Variants in IGF2BP3 observed in about 807,000 individuals in gnomAD.
IGF2BP3 encodes insulin-like growth factor 2 mRNA-binding protein 3.
IGF2BP3 carries 9 observed loss-of-function variants against 73.8 expected under a neutral mutation model. That is an observed-to-expected ratio of 0.12 (90% CI 0.07 to 0.21). The LOEUF is 0.21. Ranked by LOEUF, IGF2BP3 falls within the 10% of genes least tolerant of loss-of-function variation. The probability of loss-of-function intolerance (pLI) is 1.00; values close to 1 mark genes in which losing one functional copy is unlikely to be tolerated. For missense variants in IGF2BP3, 542 were observed against 714.0 expected, an observed-to-expected ratio of 0.76 and a Z score of 2.75; for synonymous variants, 258 against 256.7, an observed-to-expected ratio of 1.01 and a Z score of -0.05.
intron 10 of IGF2BP3, 106 bp from the exon 11 acceptor site, chr7:23,319,360 G>C: frequency 2.9e-6 from 2 of 697,074 alleles, no homozygotes; most frequent in Non-Finnish European, 5.0e-6. Context: ...GGAATACCAG[G>C]AAAGTTTAAG....
chr7:23,437,295 C>T (rs962726047), intron 2 of IGF2BP3, among the ~76,000 whole-genome samples: 3 of 151,482 alleles, frequency 2.0e-5, no homozygotes, highest in African/African-American at 7.3e-5. Flanking sequence ...CAGTCTGGCC[C>T]ACATGGTGAA....
intron 2 of IGF2BP3, among the ~76,000 whole-genome samples, chr7:23,436,801 G>GT (rs1787817361): frequency 6.6e-6 from 1 of 152,182 alleles, no homozygotes; most frequent in Non-Finnish European, 1.5e-5. Flanking sequence ...TTTTGCTGCA[G>GT]TAACTATAGT....
At chr7:23,394,361 G>T (rs1786381523) in intron 3 of IGF2BP3, among the ~76,000 whole-genome samples, 1 of 152,094 alleles carries the variant, frequency 6.6e-6, no homozygotes, top group Non-Finnish European at 1.5e-5. Context: ...CAGCTACTCG[G>T]GAAGCTGAGG....
Position 23,395,020 on chromosome 7 carries a change from T to A in IGF2BP3, c.285+23756A>T, listed in dbSNP as rs145470056. On this transcript the variant is annotated intron_variant, in intron 3 of 14. Coordinates refer to ENST00000258729, the MANE Select transcript of IGF2BP3 (RefSeq NM_006547.3). ...GAAGAACATGGAGTAATGATGGGTG[T>A]AAGCTCAGAGGAGCTTAGCATTAAT... Among the ~76,000 whole-genome samples, 1,341 of 152,260 alleles carry A rather than the reference T, an allele frequency of 8.8e-3. 16 individuals are homozygous for A. The highest frequency in any genetic ancestry group is 0.03 in the African/African-American group (1,244 of 41,540).
At chr7:23,408,347 C>T (rs1395671824) in intron 3 of IGF2BP3, among the ~76,000 whole-genome samples, 2 of 151,990 alleles carry the variant, frequency 1.3e-5, no homozygotes, top group African/African-American at 4.8e-5. Context: ...AAATAAAAAA[C>T]AAACTTTCAG....
At chr7:23,376,178 T>C (rs566130362) in intron 3 of IGF2BP3, among the ~76,000 whole-genome samples, 224 of 152,240 alleles carry the variant, frequency 1.5e-3, no homozygotes, top group African/African-American at 5.0e-3. Context: ...CATACAGCAC[T>C]AACAAGGGAT....
chr7:23,437,879 T>A (rs910937445), intron 2 of IGF2BP3, among the ~76,000 whole-genome samples: 1 of 152,196 alleles, frequency 6.6e-6, no homozygotes, highest in Non-Finnish European at 1.5e-5. Context: ...ATTTTACAGA[T>A]TAAGGAAACA....
chr7:23,323,677 T>A (rs1784218253), intron 10 of IGF2BP3, among the ~76,000 whole-genome samples: 1 of 151,690 alleles, frequency 6.6e-6, no homozygotes, highest in Non-Finnish European at 1.5e-5. Context: ...GAAGTAAAGC[T>A]CTCCTCAGCA....
At chr7:23,465,445 C>T (rs1788543900) in intron 2 of IGF2BP3, among the ~76,000 whole-genome samples, 1 of 152,170 alleles carries the variant, frequency 6.6e-6, no homozygotes, top group Admixed American at 6.5e-5. Context: ...ACATTCCTTC[C>T]ACATTCCCTT....
chr7:23,371,794 T>C (rs995180998), intron 3 of IGF2BP3, among the ~76,000 whole-genome samples: 2 of 152,118 alleles, frequency 1.3e-5, no homozygotes, highest in African/African-American at 4.8e-5. Flanking sequence ...TCCTCTAACA[T>C]GGGGAGGAGA....
At chr7:23,368,342 A>AG (rs1455290301) in intron 3 of IGF2BP3, among the ~76,000 whole-genome samples, 11 of 139,532 alleles carry the variant, frequency 7.9e-5, no homozygotes, top group East Asian at 2.3e-4. Context: ...AAAGAAAGAA[A>AG]AAAAGAAAGA....
intron 10 of IGF2BP3, among the ~76,000 whole-genome samples, chr7:23,330,553 A>T (rs1259839111): frequency 6.6e-6 from 1 of 152,030 alleles, no homozygotes; most frequent in African/African-American, 2.4e-5. Context: ...AAATGCTAAA[A>T]AGGGCATCCA....
rs762725016 is a variant in IGF2BP3, at chr7:23,470,025, AC to A, written c.85del (p.Val29CysfsTer7). ...AGTCTTCACCAGGAAGGGTCCCGAC[AC>A]CGGGATCTTGGCGTCCTTGAAGATA... is the stretch of plus-strand genomic sequence containing the variant. ...ESIFKDAKIP[V>X]SGPFLVKTGY... On this transcript the variant is annotated frameshift_variant, in exon 1 of 15. Transcript: ENST00000258729. LOFTEE classifies it high-confidence loss of function. 6.2e-7 allele frequency: 1 copy of A among 1,612,812 alleles called. No homozygotes were observed. Among genetic ancestry groups the A allele is most frequent in the Non-Finnish European group, 8.5e-7 (1 of 1,179,718 alleles).
At chr7:23,331,832 C>A (rs984480481) in intron 10 of IGF2BP3, among the ~76,000 whole-genome samples, 1 of 149,964 alleles carries the variant, frequency 6.7e-6, no homozygotes, top group Non-Finnish European at 1.5e-5. Flanking sequence ...TGCACTCCAG[C>A]CTGGGTGACA....
chr7:23,416,238 T>A (rs1306439390), intron 3 of IGF2BP3: 1 of 152,108 alleles, frequency 6.6e-6, no homozygotes, highest in Admixed American at 6.6e-5. Context: ...AAAATAAAAA[T>A]AAATAAATAA....
chr7:23,401,934 T>C (rs777146802), intron 3 of IGF2BP3, among the ~76,000 whole-genome samples: 13 of 152,108 alleles, frequency 8.5e-5, no homozygotes, highest in African/African-American at 3.1e-4. Flanking sequence ...CTGGCCAACA[T>C]GGCAAAACCC....
At chr7:23,385,279 TAAAGAG>T (rs1786046294) in intron 3 of IGF2BP3, among the ~76,000 whole-genome samples, 1 of 152,066 alleles carries the variant, frequency 6.6e-6, no homozygotes, top group Non-Finnish European at 1.5e-5. Flanking sequence ...TATTCTTGCT[TAAAGAG>T]AAAGAGGGGA....
intron 3 of IGF2BP3, among the ~76,000 whole-genome samples, chr7:23,407,308 A>G (rs903758253): frequency 2.0e-5 from 3 of 151,372 alleles, no homozygotes; most frequent in African/African-American, 7.3e-5. Flanking sequence ...GAATTTGAGC[A>G]TAAGAAAAAA....
chr7:23,448,101 T>A (rs1788107747), intron 2 of IGF2BP3, among the ~76,000 whole-genome samples: 1 of 152,206 alleles, frequency 6.6e-6, no homozygotes, highest in African/African-American at 2.4e-5. Flanking sequence ...GAGGCCGGAC[T>A]CTCCATTTGG....
Sources: gnomAD v4.1 joint callset for allele counts (sites outside exome capture counted in the v4.1 genomes callset) on GRCh38, gnomAD v4.1.1 for gene constraint, MANE v1.5 for transcripts, NCBI Gene and HGNC (gene_info 2026-07-23, HGNC 2026-07-21) for gene names.